TMEM41B: variants seen among roughly 807,000 people sequenced by gnomAD.
TMEM41B encodes the protein protein stasimon.
In TMEM41B, 18 loss-of-function variants were observed where a neutral mutation model predicts 31.9. The observed-to-expected ratio is 0.56, with a 90% CI of 0.39 to 0.84. The LOEUF is 0.84. Among genes scored for constraint, TMEM41B ranks in the 40% least tolerant of loss-of-function variants. The pLI, the probability that TMEM41B is intolerant of heterozygous loss-of-function variation, is 0.00. For synonymous variants in TMEM41B, 144 were observed against 124.3 expected (o/e 1.16, Z -1.05); for missense variants, 322 against 348.0 (o/e 0.93, Z 0.59).
chr11:9,299,282 CAAAAAAAAAA>C (rs1180036082), intron 2 of TMEM41B, among the ~76,000 whole-genome samples: 108 of 41,712 alleles, frequency 2.6e-3, no homozygotes, highest in African/African-American at 0.011. Flanking sequence ...GACTCTGTCT[CAAAAAAAAAA>C]AAAAAAAAAA....
intron 2 of TMEM41B, among the ~76,000 whole-genome samples, chr11:9,298,466 A>C (rs1331473990): frequency 6.7e-6 from 1 of 148,932 alleles, no homozygotes; most frequent in Non-Finnish European, 1.5e-5. Context: ...TCTCAAAAAA[A>C]AAAAAAAAAA....
intron 1 of TMEM41B, chr11:9,311,606 G>A: frequency 2.0e-6 from 2 of 1,024,708 alleles, no homozygotes; most frequent in Non-Finnish European, 1.5e-6. Context: ...TAGGTGGTGA[G>A]TGGGCAGGAT....
rs1425033338 is a variant in TMEM41B, at chr11:9,299,582, A to G, written c.239+2T>C. 4 of 1,542,568 alleles carry G rather than the reference A, an allele frequency of 2.6e-6. No individual in the cohort carries two copies. The highest frequency in any genetic ancestry group is 3.6e-6 in the Non-Finnish European group (4 of 1,120,820). ...TTTCAGTTTATCTCTCAGTATACTT[A>G]CTCACTAAGCTGAGGAAAATTTTTA... On this transcript the variant is annotated splice_donor_variant, in intron 2 of 6. Coordinates refer to ENST00000528080, the MANE Select transcript of TMEM41B (RefSeq NM_015012.4). LOFTEE classifies it high-confidence loss of function.
intron 1 of TMEM41B, among the ~76,000 whole-genome samples, chr11:9,306,198 C>T (rs1003197163): frequency 6.6e-6 from 1 of 151,222 alleles, no homozygotes; most frequent in Non-Finnish European, 1.5e-5. Flanking sequence ...AGGCTGGTCT[C>T]GAACCCCTGA....
intron 1 of TMEM41B, among the ~76,000 whole-genome samples, chr11:9,312,168 C>T (rs531554051): frequency 6.6e-6 from 1 of 152,312 alleles, no homozygotes; most frequent in African/African-American, 2.4e-5. Context: ...ACCTTCAACC[C>T]TACTACTCTC....
intron 1 of TMEM41B, chr11:9,311,371 T>C (rs1323580844): frequency 1.3e-4 from 186 of 1,483,034 alleles, no homozygotes; most frequent in Non-Finnish European, 1.6e-4. Context: ...TGTATCTTCT[T>C]GCCCACTATC....
rs917805037 is a variant in TMEM41B at position 9,281,404 on chromosome 11, T to C, written c.*2020A>G. 6 of 152,212 alleles carry C rather than the reference T, an allele frequency of 3.9e-5. No individual in the cohort carries two copies. The highest frequency in any genetic ancestry group is 7.3e-5 in the Non-Finnish European group (5 of 68,038). The allele number at this position is 152,212 out of a possible 1,614,324, so 9.4% of individuals were successfully genotyped here. ...GACATAAGAATACTACAATAATCAATATGTTTTCTTTGTATTTACAATAAA... is the reference window on the plus strand; with the variant it reads ...GACATAAGAATACTACAATAATCAACATGTTTTCTTTGTATTTACAATAAA... On this transcript the variant is annotated 3_prime_UTR_variant, in exon 7 of 7. Coordinates refer to ENST00000528080, the MANE Select transcript of TMEM41B (RefSeq NM_015012.4).
chr11:9,314,034 C>T (rs1014491775), intron 1 of TMEM41B, among the ~76,000 whole-genome samples: 2 of 152,204 alleles, frequency 1.3e-5, no homozygotes, highest in East Asian at 3.9e-4. Flanking sequence ...CTCTGCCTAG[C>T]GTCGTTATCA....
In TMEM41B at chr11:9,281,748, ATAAAG is replaced by A. The variant is rs531309086; in HGVS notation, c.*1671_*1675del. 1.9e-3 allele frequency: 284 copies of A among 152,334 alleles called. 1 individual carries two copies. Among genetic ancestry groups the A allele is most frequent in the African/African-American group, 5.8e-3 (241 of 41,578 alleles). 9.4% of individuals were successfully genotyped at this position (152,334 alleles called of 1,614,324 possible). On this transcript the variant is annotated 3_prime_UTR_variant, in exon 7 of 7. Coordinates refer to ENST00000528080, the MANE Select transcript of TMEM41B (RefSeq NM_015012.4). ...CAGTTAATTTTACTTTGTGAGTTAG[ATAAAG>A]TAAAGACTAAATTGGGAAACTGCAA...
At chr11:9,293,278 TTTCTCGTAGAAACTGG>T (rs1853000563) in intron 3 of TMEM41B, among the ~76,000 whole-genome samples, 1 of 152,132 alleles carries the variant, frequency 6.6e-6, no homozygotes, top group Non-Finnish European at 1.5e-5. Context: ...AATTTTTGTA[TTTCTCGTAGAAACTGG>T]GTCTAGCTAC....
At chr11:9,314,219 CCT>C (rs539694613) in intron 1 of TMEM41B, 100 bp downstream of exon 1, 112 of 1,381,348 alleles carry the variant, frequency 8.1e-5, no homozygotes, top group Middle Eastern at 2.6e-4. Context: ...AGCAGGCCCC[CCT>C]CTTTCCCCGC....
intron 1 of TMEM41B, among the ~76,000 whole-genome samples, chr11:9,305,587 T>A (rs1023601394): frequency 1.4e-5 from 2 of 145,064 alleles, no homozygotes; most frequent in African/African-American, 5.7e-5. Flanking sequence ...GCAACAGATA[T>A]TAATTATAGA....
chr11:9,299,217 C>T (rs1853176356), intron 2 of TMEM41B, among the ~76,000 whole-genome samples: 1 of 126,760 alleles, frequency 7.9e-6, no homozygotes, highest in South Asian at 2.7e-4. Flanking sequence ...GGAAGCAGGG[C>T]TTATACAGTG....
At position 9,283,409 on chromosome 11, in the gene TMEM41B, A is replaced by C; in HGVS notation, c.*15T>G. ...GATGGTGATGACAGCAAAACTAAAA[A>C]TCAGATGATTATTTTTACTCAAATT... is the stretch of plus-strand genomic sequence containing the variant. On this transcript the variant is annotated 3_prime_UTR_variant, in exon 7 of 7. Transcript: ENST00000528080. 2 of 1,599,760 alleles carry C rather than the reference A, an allele frequency of 1.3e-6. No homozygotes were observed. Among genetic ancestry groups the C allele is most frequent in the South Asian group, 2.3e-5 (2 of 88,798 alleles).
intron 1 of TMEM41B, among the ~76,000 whole-genome samples, chr11:9,312,669 G>T (rs1035408726): frequency 6.6e-6 from 1 of 152,140 alleles, no homozygotes; most frequent in African/African-American, 2.4e-5. Context: ...ACTTTGGGAG[G>T]CCGAGGCGGG....
At chr11:9,289,280 A>G (rs966271606) in intron 3 of TMEM41B, among the ~76,000 whole-genome samples, 2 of 151,768 alleles carry the variant, frequency 1.3e-5, no homozygotes, top group Non-Finnish European at 2.9e-5. Flanking sequence ...TACAGATATG[A>G]GCGACTACAC....
At chr11:9,297,854 G>A (rs1853137369) in intron 2 of TMEM41B, among the ~76,000 whole-genome samples, 1 of 151,842 alleles carries the variant, frequency 6.6e-6, no homozygotes, top group South Asian at 2.1e-4. Flanking sequence ...ACCTATGGCT[G>A]GGAACAGTGG....
chr11:9,283,368 C>CA lies in TMEM41B; in HGVS notation c.*55dup, dbSNP rs1852764657. 7.4e-7 allele frequency: 1 copy of CA among 1,349,992 alleles called. No homozygotes were observed. Among genetic ancestry groups the CA allele is most frequent in the African/African-American group, 1.5e-5 (1 of 67,324 alleles). 83.6% of individuals were successfully genotyped at this position (1,349,992 alleles called of 1,614,324 possible). ...GGTGATTTTAAAACATAAATGGATGCACCTGTTAATCCTGAGATGGTGATG... is the reference window on the plus strand; with the variant it reads ...GGTGATTTTAAAACATAAATGGATGCAACCTGTTAATCCTGAGATGGTGATG... On this transcript the variant is annotated 3_prime_UTR_variant, in exon 7 of 7. Coordinates refer to ENST00000528080, the MANE Select transcript of TMEM41B (RefSeq NM_015012.4).
intron 3 of TMEM41B, among the ~76,000 whole-genome samples, chr11:9,293,807 C>T (rs1564962388): frequency 6.6e-6 from 1 of 151,880 alleles, no homozygotes. Flanking sequence ...GGTCTGAACC[C>T]CTGACCTCAC....
Sources: gnomAD v4.1 joint callset for allele counts (sites outside exome capture counted in the v4.1 genomes callset) on GRCh38, gnomAD v4.1.1 for gene constraint, MANE v1.5 for transcripts, NCBI Gene and HGNC (gene_info 2026-07-23, HGNC 2026-07-21) for gene names.